Variants in TRRAP observed in about 807,000 individuals in gnomAD.
The protein encoded by TRRAP is transformation/transcription domain associated protein.
In TRRAP, 41 loss-of-function variants were observed where a neutral mutation model predicts 438.8. The observed-to-expected ratio is 0.09, with a 90% CI of 0.07 to 0.12. The LOEUF (loss-of-function observed/expected upper bound fraction) is 0.12. Among genes scored for constraint, TRRAP ranks in the 10% least tolerant of loss-of-function variants. TRRAP has a pLI of 1.00. For synonymous variants in TRRAP, 1,994 were observed against 1,962.9 expected (o/e 1.02, Z -0.42); for missense variants, 3,122 against 5,055.1 (o/e 0.62, Z 11.60).
intron 18 of TRRAP, among the ~76,000 whole-genome samples, chr7:98,914,108 C>T (rs1204866881): frequency 6.6e-6 from 1 of 152,148 alleles, no homozygotes; most frequent in African/African-American, 2.4e-5. Flanking sequence ...GAGTACTAGT[C>T]AGGCGTGGTA....
intron 22 of TRRAP, among the ~76,000 whole-genome samples, chr7:98,926,610 A>G (rs985924104): frequency 6.6e-6 from 1 of 152,210 alleles, no homozygotes; most frequent in Admixed American, 6.5e-5. Context: ...GTTCATTCAG[A>G]CAGAAAGTTC....
intron 58 of TRRAP, 45 bp downstream of exon 58, chr7:98,978,949 T>A (rs767283317): frequency 1.9e-5 from 30 of 1,608,592 alleles, no homozygotes; most frequent in Non-Finnish European, 2.4e-5. Context: ...GGGTCCCTTT[T>A]CCTGAAGCTG....
At chr7:99,010,856 C>T (rs186299135) in intron 70 of TRRAP, among the ~76,000 whole-genome samples, 196 bp from the exon 71 acceptor site, 2 of 152,158 alleles carry the variant, frequency 1.3e-5, no homozygotes, top group African/African-American at 4.8e-5. Flanking sequence ...CAGACAGTGG[C>T]GAACCCTGGA....
Position 99,009,649 on chromosome 7 carries a change from T to G in TRRAP, c.10938+1088T>G, listed in dbSNP as rs999704506. Among the ~76,000 whole-genome samples the G allele has an allele frequency of 2.0e-5, 3 of 152,204 alleles. No individual in the cohort carries two copies. In the East Asian group the frequency reaches 5.8e-4, roughly 29 times the overall value. ...TGCAGGAGAGGAATGGATTATATTC[T>G]TAAGGCGACATTAACTTTCGACAGC... On this transcript the variant is annotated intron_variant, in intron 70 of 72. Coordinates refer to ENST00000456197, the MANE Select transcript of TRRAP (RefSeq NM_001375524.1).
intron 13 of TRRAP, among the ~76,000 whole-genome samples, chr7:98,906,537 T>G (rs377530253): frequency 1.3e-5 from 2 of 152,066 alleles, no homozygotes; most frequent in East Asian, 3.9e-4. Context: ...GTTCAAGCAA[T>G]TCTCCCTGCC....
intron 11 of TRRAP, 70 bp downstream of exon 11, chr7:98,900,790 G>T: frequency 1.5e-6 from 2 of 1,341,856 alleles, no homozygotes; most frequent in Non-Finnish European, 2.1e-6. Flanking sequence ...CCTTTTGTGG[G>T]TGTACAGTTC....
Position 98,948,022 on chromosome 7 carries a change from C to T in TRRAP, c.4549-199C>T, listed in dbSNP as rs1343627606. ...CTACAATGGACAGGAATGCTGAAGG[C>T]CACGGGCAGTCAGTTTCCTTAGGAC... is the stretch of plus-strand genomic sequence containing the variant. On this transcript the variant is annotated intron_variant, in intron 33 of 72. Coordinates refer to ENST00000456197, the MANE Select transcript of TRRAP (RefSeq NM_001375524.1). This position sits in a 1 kb window ranked among gnomAD's most constrained non-coding sequence, Gnocchi z 4.9. 1.3e-5 allele frequency among the ~76,000 whole-genome samples: 2 copies of T among 152,204 alleles called. No individual in the cohort carries two copies. Among genetic ancestry groups the T allele is most frequent in the African/African-American group, 4.8e-5 (2 of 41,450 alleles).
Position 98,937,282 on chromosome 7 carries a change from G to C in TRRAP, c.4233+5G>C. ...GGAGAAGCCTGTATGAGAAAGGTGA[G>C]TGTGTGTGCGTGCGTGTATGCGCAC... On this transcript the variant is annotated splice_donor_5th_base_variant and intron_variant, in intron 29 of 72. Transcript: ENST00000456197. 1 of 1,610,406 alleles carries C rather than the reference G, an allele frequency of 6.2e-7. No homozygotes were observed. The highest frequency in any genetic ancestry group is 2.2e-5 in the East Asian group (1 of 44,782).
chr7:98,882,111 C>A, intron 3 of TRRAP, 87 bp downstream of exon 3: 2 of 1,103,228 alleles, frequency 1.8e-6, no homozygotes, highest in Non-Finnish European at 2.6e-6. Context: ...TTTTTACTAG[C>A]AACTCAAAGA....
At chr7:99,004,616 A>C (rs1794077862) in intron 68 of TRRAP, among the ~76,000 whole-genome samples, 1 of 152,214 alleles carries the variant, frequency 6.6e-6, no homozygotes, top group Non-Finnish European at 1.5e-5. Context: ...TCCTGAGTGC[A>C]GTCTGGGTTT....
intron 14 of TRRAP, 40 bp downstream of exon 14, chr7:98,909,002 A>C (rs1212964221): frequency 6.9e-7 from 1 of 1,452,526 alleles, no homozygotes; most frequent in East Asian, 2.4e-5. Context: ...CCTGCACTCT[A>C]TCCTGTTTGT....
intron 67 of TRRAP, chr7:98,999,525 C>A: frequency 1.4e-6 from 1 of 727,358 alleles, no homozygotes. Flanking sequence ...TGGGGTGCAC[C>A]AGGGTCTCTT....
At chr7:98,925,304 G>A (rs1438727031) in intron 22 of TRRAP, 41 bp downstream of exon 22, 3 of 1,601,206 alleles carry the variant, frequency 1.9e-6, no homozygotes, top group South Asian at 1.1e-5. Context: ...GGTGGATCCT[G>A]TTTTAGGAAT....
At chr7:98,982,047 C>A in intron 59 of TRRAP, 87 bp downstream of exon 59, 1 of 1,320,296 alleles carries the variant, frequency 7.6e-7, no homozygotes, top group African/African-American at 1.5e-5. Context: ...CAGACTGCTC[C>A]GGACAGCAGA....
intron 30 of TRRAP, 150 bp from the exon 31 acceptor site, chr7:98,942,799 C>T (rs1370423998): frequency 3.7e-6 from 3 of 805,574 alleles, no homozygotes; most frequent in Admixed American, 2.7e-5. Flanking sequence ...CAGTTATTCT[C>T]ATCACTAGTT....
At chr7:98,929,032 G>A (rs1368747860) in intron 23 of TRRAP, among the ~76,000 whole-genome samples, 1 of 151,768 alleles carries the variant, frequency 6.6e-6, no homozygotes, top group Non-Finnish European at 1.5e-5. Context: ...CTGCCTCCCG[G>A]GTTGAAGTGA....
chr7:98,920,649 G>A (rs1233347689), intron 20 of TRRAP, among the ~76,000 whole-genome samples: 2 of 152,114 alleles, frequency 1.3e-5, no homozygotes, highest in Admixed American at 6.5e-5. Flanking sequence ...GTCCTGTAAT[G>A]GAGGTGCCTT....
chr7:98,908,597 G>T lies in TRRAP; in HGVS notation c.1116-131G>T. The stretch of plus-strand genomic sequence containing the variant: ...CATGTATCTGGGAGAGAGTAATGTG[G>T]TGAAAATGGGCCATGTAAGTGTGCC... On this transcript the variant is annotated intron_variant, in intron 13 of 72. Transcript: ENST00000456197. The surrounding 1 kb of genome is among the most constrained non-coding windows in gnomAD (Gnocchi z 4.1). 1 of 712,422 alleles carries T rather than the reference G, an allele frequency of 1.4e-6. No homozygotes were observed. The highest frequency in any genetic ancestry group is 2.4e-6 in the Non-Finnish European group (1 of 419,908). The allele number at this position is 712,422 out of a possible 1,614,324, so 44.1% of individuals were successfully genotyped here. A position where few individuals can be genotyped will look rare whatever the true frequency, so the allele number is the denominator to read the frequency against.
At position 98,988,990 on chromosome 7, in the gene TRRAP, G is replaced by C. The variant is rs369666747; in HGVS notation, c.9591+24G>C. On this transcript the variant is annotated intron_variant, in intron 63 of 72. Transcript: ENST00000456197. Reference sequence around the variant, plus strand: ...AGGTGAGACCGAAAAAACGAGCTTTGACCAGAGGCCATCTGTCACCTTCAG... The same window carrying C: ...AGGTGAGACCGAAAAAACGAGCTTTCACCAGAGGCCATCTGTCACCTTCAG... The C allele has an allele frequency of 8.7e-6, 14 of 1,602,062 alleles. No homozygotes were observed. In the African/African-American group the frequency reaches 1.9e-4, roughly 21 times the overall value.
Sources: allele counts gnomAD v4.1 joint callset (sites outside exome capture counted in the v4.1 genomes callset), GRCh38; gene constraint gnomAD v4.1.1; non-coding constraint Gnocchi (gnomAD v3.1); transcripts MANE v1.5; gene names NCBI Gene and HGNC (gene_info 2026-07-23, HGNC 2026-07-21).